The following GFRA2 variants were observed in gnomAD, a reference collection of about 807,000 sequenced individuals.
GFRA2 encodes the protein GDNF family receptor alpha 2.
Under a neutral mutation model 48.3 loss-of-function variants are expected in GFRA2, and 17 were observed. The observed-to-expected ratio is 0.35, with a 90% CI of 0.24 to 0.53. GFRA2 has a LOEUF of 0.53. GFRA2 is among the 20% of genes least tolerant of loss of function. The probability of loss-of-function intolerance (pLI) is 0.93; values close to 1 mark genes in which losing one functional copy is unlikely to be tolerated. For synonymous variants in GFRA2, 305 were observed against 257.2 expected, an observed-to-expected ratio of 1.19 and a Z score of -1.78; for missense variants, 660 against 637.3, an observed-to-expected ratio of 1.04 and a Z score of -0.38.
chr8:21,738,180 G>T (rs1354228995), intron 4 of GFRA2, among the ~76,000 whole-genome samples: 1 of 4,022 alleles, frequency 2.5e-4, no homozygotes, highest in Non-Finnish European at 4.3e-4. Context: ...CCCCTCCCCC[G>T]TTCCTCCTCC....
At chr8:21,775,142 T>C (rs1295693293) in intron 2 of GFRA2, 87 bp from the exon 3 acceptor site, 7 of 731,258 alleles carry the variant, frequency 9.6e-6, no homozygotes, top group Non-Finnish European at 1.5e-5. Context: ...GAAAGCTCTC[T>C]ACCAGGGGAA....
At chr8:21,783,192 G>A (rs903659961) in intron 1 of GFRA2, 10 of 568,168 alleles carry the variant, frequency 1.8e-5, no homozygotes, top group Non-Finnish European at 3.3e-5. Flanking sequence ...CAAGACCTCA[G>A]TCTAAGACGT....
At chr8:21,770,871 G>T (rs1267106425) in intron 3 of GFRA2, among the ~76,000 whole-genome samples, 1 of 152,024 alleles carries the variant, frequency 6.6e-6, no homozygotes, top group East Asian at 1.9e-4. Flanking sequence ...CCTTCCCTCC[G>T]CAATCTCTCT....
At chr8:21,715,508 C>T (rs987677732) in intron 4 of GFRA2, among the ~76,000 whole-genome samples, 1 of 152,140 alleles carries the variant, frequency 6.6e-6, no homozygotes, top group African/African-American at 2.4e-5. Context: ...GGGGTTTTAC[C>T]ATATTGGCCA....
At chr8:21,778,317 G>T (rs923508521) in intron 2 of GFRA2, among the ~76,000 whole-genome samples, 6 of 152,188 alleles carry the variant, frequency 3.9e-5, no homozygotes, top group African/African-American at 4.8e-5. Context: ...CTACCTGGAG[G>T]CCTCCTGGCT....
At chr8:21,744,326 T>A (rs1290016321) in intron 4 of GFRA2, among the ~76,000 whole-genome samples, 3 of 152,202 alleles carry the variant, frequency 2.0e-5, no homozygotes, top group Admixed American at 6.5e-5. Context: ...GGGCCCAGGT[T>A]GCCAGGGTAG....
chr8:21,720,733 C>T (rs1307253408), intron 4 of GFRA2, among the ~76,000 whole-genome samples: 1 of 152,176 alleles, frequency 6.6e-6, no homozygotes, highest in African/African-American at 2.4e-5. Flanking sequence ...CTTCCAAACC[C>T]ACCTCAGGTA....
chr8:21,759,491 AAGGAAGGAAG>A, intron 3 of GFRA2, among the ~76,000 whole-genome samples: 1 of 111,142 alleles, frequency 9.0e-6, no homozygotes, highest in Non-Finnish European at 2.0e-5. Context: ...GGAAAGAAGG[AAGGAAGGAAG>A]GAAGGAAGGA....
chr8:21,729,957 A>G (rs912732700), intron 4 of GFRA2, among the ~76,000 whole-genome samples: 2 of 152,176 alleles, frequency 1.3e-5, no homozygotes, highest in African/African-American at 4.8e-5. Flanking sequence ...GCCTGGAATT[A>G]GAGAGGCAGA....
intron 2 of GFRA2, among the ~76,000 whole-genome samples, chr8:21,776,680 AG>A (rs1321376723): frequency 1.3e-5 from 2 of 152,044 alleles, no homozygotes; most frequent in Non-Finnish European, 2.9e-5. Flanking sequence ...CATGTTGGCC[AG>A]GCTGGTCTCA....
chr8:21,795,242 C>A (rs1158819040), intron 2 of GFRA2, among the ~76,000 whole-genome samples: 13 of 152,316 alleles, frequency 8.5e-5, no homozygotes, highest in Admixed American at 8.5e-4. Flanking sequence ...TACTTCCCGG[C>A]TGTACAAAGC....
chr8:21,707,157 G>C (rs750145076), intron 4 of GFRA2, among the ~76,000 whole-genome samples: 1 of 152,200 alleles, frequency 6.6e-6, no homozygotes, highest in Non-Finnish European at 1.5e-5. Flanking sequence ...GACTTCAGTC[G>C]CCATGCACTC....
chr8:21,735,670 C>T (rs1187434748), intron 4 of GFRA2, among the ~76,000 whole-genome samples: 1 of 152,156 alleles, frequency 6.6e-6, no homozygotes, highest in African/African-American at 2.4e-5. Context: ...GTGTTGTTTT[C>T]ATTTTTCTTG....
intron 4 of GFRA2, among the ~76,000 whole-genome samples, chr8:21,714,746 G>C (rs970451139): frequency 6.6e-6 from 1 of 152,172 alleles, no homozygotes; most frequent in Admixed American, 6.5e-5. Context: ...GCTCAGAAAG[G>C]CTGGATCGCA....
chr8:21,796,492 C>T (rs1807680005), intron 2 of GFRA2, among the ~76,000 whole-genome samples: 2 of 152,238 alleles, frequency 1.3e-5, no homozygotes, highest in Non-Finnish European at 2.9e-5. Flanking sequence ...ACTCAAAAGG[C>T]ACAGGTCCGA....
chr8:21,771,176 T>C (rs1694753704), intron 3 of GFRA2, among the ~76,000 whole-genome samples: 1 of 151,534 alleles, frequency 6.6e-6, no homozygotes, highest in African/African-American at 2.4e-5. Flanking sequence ...GCACCACAGC[T>C]CAAAAAGGCC....
At chr8:21,700,256 T>C (rs570017590) in intron 7 of GFRA2, among the ~76,000 whole-genome samples, 4 of 70,956 alleles carry the variant, frequency 5.6e-5, no homozygotes, top group Admixed American at 2.4e-4. Flanking sequence ...ATATTTAATA[T>C]ACCAGAAGGC....
chr8:21,773,481 C>G (rs1806537152), intron 3 of GFRA2, among the ~76,000 whole-genome samples: 1 of 152,226 alleles, frequency 6.6e-6, no homozygotes, highest in Admixed American at 6.5e-5. Context: ...CTGTTTCAAT[C>G]TCCTAGAGCG....
At chr8:21,731,781 A>G (rs909381036) in intron 4 of GFRA2, among the ~76,000 whole-genome samples, 8 of 152,246 alleles carry the variant, frequency 5.3e-5, no homozygotes, top group African/African-American at 1.9e-4. Flanking sequence ...AAGAAGTGAC[A>G]GCAAACAGCG....
Sources: allele counts gnomAD v4.1 joint callset (sites outside exome capture counted in the v4.1 genomes callset), GRCh38; gene constraint gnomAD v4.1.1; transcripts MANE v1.5; gene names NCBI Gene and HGNC (gene_info 2026-07-23, HGNC 2026-07-21).